Variants in IFNGR2 observed in about 807,000 individuals in gnomAD.
IFNGR2 encodes interferon gamma receptor 2.
IFNGR2 carries 15 observed loss-of-function variants against 41.1 expected under a neutral mutation model. The ratio of observed to expected loss-of-function variants is 0.37; its 90% CI spans 0.24 to 0.56. The LOEUF (loss-of-function observed/expected upper bound fraction) is 0.56. Among genes scored for constraint, IFNGR2 ranks in the 20% least tolerant of loss-of-function variants. The pLI is 0.81. For missense variants in IFNGR2, 362 were observed against 415.7 expected (o/e 0.87, Z 1.12); for synonymous variants, 161 against 171.6 (o/e 0.94, Z 0.48).
chr21:33,421,823 T>A, intron 3 of IFNGR2, 138 bp downstream of exon 3: 1 of 772,320 alleles, frequency 1.3e-6, no homozygotes, highest in Non-Finnish European at 2.3e-6. Flanking sequence ...AAACCCACAC[T>A]CTGACCTTGG....
chr21:33,418,275 T>A (rs1430674107), intron 2 of IFNGR2, among the ~76,000 whole-genome samples: 2 of 152,178 alleles, frequency 1.3e-5, no homozygotes, highest in Non-Finnish European at 2.9e-5. Context: ...CAGGCTGGTC[T>A]CGAACTCCTG....
intron 2 of IFNGR2, among the ~76,000 whole-genome samples, chr21:33,418,938 C>G (rs1267504921): frequency 1.3e-5 from 2 of 152,196 alleles, no homozygotes; most frequent in African/African-American, 4.8e-5. Context: ...CTGCCCAGCC[C>G]TGTCTTCTCA....
rs561177313 is a variant in IFNGR2 at position 33,411,143 on chromosome 21, A to AT, written c.74-3744dup. 6.3e-4 allele frequency among the ~76,000 whole-genome samples: 96 copies of AT among 152,362 alleles called. 2 individuals carry two copies. Among genetic ancestry groups the AT allele is most frequent in the African/African-American group, 2.3e-3 (96 of 41,584 alleles). On this transcript the variant is annotated intron_variant, in intron 1 of 6. Transcript: ENST00000290219. Reference sequence around the variant, plus strand: ...GATTTTCTTCTATAAATGTGAAAAGATAGGGGATGATAGGAAACCCGGATA... The same window carrying AT: ...GATTTTCTTCTATAAATGTGAAAAGATTAGGGGATGATAGGAAACCCGGATA...
intron 1 of IFNGR2, among the ~76,000 whole-genome samples, chr21:33,407,123 C>A (rs1313563961): frequency 3.5e-4 from 53 of 151,930 alleles, no homozygotes; most frequent in Admixed American, 3.5e-3. Context: ...AATCAACTGA[C>A]CAGTTAGTTA....
chr21:33,416,367 T>C (rs1282710007), intron 2 of IFNGR2, among the ~76,000 whole-genome samples: 7 of 152,192 alleles, frequency 4.6e-5, no homozygotes, highest in Non-Finnish European at 8.8e-5. Context: ...CTGGTAGAAA[T>C]TGCAACTCTG....
intron 6 of IFNGR2, 62 bp from the exon 7 acceptor site, chr21:33,436,766 T>C: frequency 7.4e-7 from 1 of 1,344,876 alleles, no homozygotes; most frequent in Non-Finnish European, 1.0e-6. Flanking sequence ...AAACTAAAGT[T>C]AAAAGGTCTG....
chr21:33,437,139 T>C lies in IFNGR2; in HGVS notation c.*177T>C, dbSNP rs80105113. The stretch of plus-strand genomic sequence containing the variant: ...GGGGGTGACAAGCTTTTTTTTTTTT[T>C]CTTAAAGAATTTTCAAAATCAAATT... On this transcript the variant is annotated 3_prime_UTR_variant, in exon 7 of 7. Coordinates refer to ENST00000290219, the MANE Select transcript of IFNGR2 (RefSeq NM_005534.4). The C allele has an allele frequency of 3.2e-5, 19 of 584,830 alleles. No individual in the cohort carries two copies. The highest frequency in any genetic ancestry group is 2.3e-4 in the African/African-American group (12 of 53,240). The allele number at this position is 584,830 out of a possible 1,614,324, so 36.2% of individuals were successfully genotyped here.
At position 33,403,492 on chromosome 21, in the gene IFNGR2, CCCCGAGCGGGG is replaced by C; in HGVS notation, c.-48_-38del. The C allele has an allele frequency of 1.8e-6, 2 of 1,116,852 alleles. No individual in the cohort carries two copies. Among genetic ancestry groups the C allele is most frequent in the Non-Finnish European group, 2.2e-6 (2 of 909,408 alleles). The allele number at this position is 1,116,852 out of a possible 1,614,324, so 69.2% of individuals were successfully genotyped here. ...GCGGCGACGTGAGCGGCTCCGCGGA[CCCCGAGCGGGG>C]CCCCGGCCGCGACCTGAGCCGCCGC... On this transcript the variant is annotated 5_prime_UTR_variant, in exon 1 of 7. Transcript: ENST00000290219.
intron 3 of IFNGR2, among the ~76,000 whole-genome samples, chr21:33,425,848 G>T (rs1399539592): frequency 4.6e-5 from 7 of 152,200 alleles, no homozygotes; most frequent in Non-Finnish European, 8.8e-5. Context: ...GTGCCCAGGG[G>T]AGAGAATCCA....
intron 6 of IFNGR2, among the ~76,000 whole-genome samples, chr21:33,433,813 G>C (rs1043882656): frequency 2.8e-4 from 43 of 151,970 alleles, no homozygotes; most frequent in African/African-American, 1.0e-3. Context: ...ATGGCATGGG[G>C]TTGGCTAAAA....
Position 33,437,308 on chromosome 21 carries a change from C to T in IFNGR2, c.*346C>T. 3.7e-6 allele frequency: 1 copy of T among 269,484 alleles called. No homozygotes were observed. Among genetic ancestry groups the T allele is most frequent in the South Asian group, 4.1e-5 (1 of 24,598 alleles). The allele number at this position is 269,484 out of a possible 1,614,324, so 16.7% of individuals were successfully genotyped here. The stretch of plus-strand genomic sequence containing the variant: ...TTGGTTGGGCTGAGCAGTCAGAAGA[C>T]CTGGTCGTCGTCTTGACTTTGGCAA... On this transcript the variant is annotated 3_prime_UTR_variant, in exon 7 of 7. Coordinates refer to ENST00000290219, the MANE Select transcript of IFNGR2 (RefSeq NM_005534.4).
intron 6 of IFNGR2, among the ~76,000 whole-genome samples, chr21:33,433,626 G>A (rs953176738): frequency 3.9e-5 from 6 of 152,114 alleles, no homozygotes; most frequent in Non-Finnish European, 8.8e-5. Context: ...TGGGAAGTTC[G>A]TGTTGAATGG....
chr21:33,432,903 T>C, intron 6 of IFNGR2, 32 bp downstream of exon 6: 1 of 1,553,502 alleles, frequency 6.4e-7, no homozygotes, highest in East Asian at 2.3e-5. Context: ...TTTTTTTTTT[T>C]GAGACAGGGT....
chr21:33,421,991 C>CAA (rs1282749644), intron 3 of IFNGR2, among the ~76,000 whole-genome samples: 6 of 152,206 alleles, frequency 3.9e-5, no homozygotes, highest in African/African-American at 1.4e-4. Context: ...TTTCACACTA[C>CAA]AATGGTAGAG....
In IFNGR2 at chr21:33,437,307, A is replaced by ATCTACACCAT; in HGVS notation, c.*345_*346insTCTACACCAT. The ATCTACACCAT allele has an allele frequency of 1.1e-5, 3 of 268,280 alleles. No homozygotes were observed. Among genetic ancestry groups the ATCTACACCAT allele is most frequent in the South Asian group, 8.3e-5 (2 of 24,138 alleles). The allele number at this position is 268,280 out of a possible 1,614,324, so 16.6% of individuals were successfully genotyped here. ...ATTGGTTGGGCTGAGCAGTCAGAAG[A>ATCTACACCAT]CCTGGTCGTCGTCTTGACTTTGGCA... On this transcript the variant is annotated 3_prime_UTR_variant, in exon 7 of 7. Transcript: ENST00000290219.
Position 33,403,419 on chromosome 21 carries a change from C to G in IFNGR2, c.-125C>G, listed in dbSNP as rs2083654758. Reference sequence around the variant, plus strand: ...TCCACCGGGACGCCCCGCTGCTGCTCGGGAAGAGGCGGGCCCTGCGCGCCC... The same window carrying G: ...TCCACCGGGACGCCCCGCTGCTGCTGGGGAAGAGGCGGGCCCTGCGCGCCC... On this transcript the variant is annotated 5_prime_UTR_variant, in exon 1 of 7. Transcript: ENST00000290219. 2.4e-6 allele frequency: 1 copy of G among 411,730 alleles called. No individual in the cohort carries two copies. The allele number at this position is 411,730 out of a possible 1,614,324, so 25.5% of individuals were successfully genotyped here. A position where few individuals can be genotyped will look rare whatever the true frequency, so the allele number is the denominator to read the frequency against.
rs2083777452 is a variant in IFNGR2 at position 33,419,628 on chromosome 21, A to G, written c.207-1852A>G. Among the ~76,000 whole-genome samples, 4 of 152,064 alleles carry G rather than the reference A, an allele frequency of 2.6e-5. No individual in the cohort carries two copies. The South Asian group carries it at 8.3e-4, about 32-fold the overall frequency. ...TTATGTGACATATCACATGTGTTGT[A>G]TTTAACTTTTCCCCAGTCATGGGCG... On this transcript the variant is annotated intron_variant, in intron 2 of 6. Transcript: ENST00000290219.
At position 33,410,877 on chromosome 21, in the gene IFNGR2, T is replaced by G. The variant is rs1392229712; in HGVS notation, c.74-4011T>G. On this transcript the variant is annotated intron_variant, in intron 1 of 6. Transcript: ENST00000290219. ...GACCTACCAAGAATGGTGCAATGAT[T>G]CAGCAGCTACTCATGGTAAGACAAG... 8 of 1,547,088 alleles carry G rather than the reference T, an allele frequency of 5.2e-6. No individual in the cohort carries two copies. The South Asian group carries it at 9.5e-5, about 18-fold the overall frequency.
intron 1 of IFNGR2, among the ~76,000 whole-genome samples, chr21:33,410,097 C>T (rs1255234706): frequency 1.0e-5 from 1 of 97,014 alleles, no homozygotes. Flanking sequence ...AGATATATTA[C>T]AGATGTATTA....
Sources: allele counts gnomAD v4.1 joint callset (sites outside exome capture counted in the v4.1 genomes callset), GRCh38; gene constraint gnomAD v4.1.1; transcripts MANE v1.5; gene names NCBI Gene and HGNC (gene_info 2026-07-23, HGNC 2026-07-21).